TRIM33: variants seen among roughly 807,000 people sequenced by gnomAD.
TRIM33 encodes the protein tripartite motif containing 33.
Under a neutral mutation model 125.4 loss-of-function variants are expected in TRIM33, and 20 were observed. The ratio of observed to expected loss-of-function variants is 0.16; its 90% CI spans 0.11 to 0.23. TRIM33 has a LOEUF of 0.23. Among genes scored for constraint, TRIM33 ranks in the 10% least tolerant of loss-of-function variants. The probability of loss-of-function intolerance (pLI) is 1.00; values close to 1 mark genes in which losing one functional copy is unlikely to be tolerated. For missense variants in TRIM33, 920 were observed against 1,411.4 expected, an observed-to-expected ratio of 0.65 and a Z score of 5.58; for synonymous variants, 564 against 513.9, an observed-to-expected ratio of 1.10 and a Z score of -1.32.
chr1:114,487,073 C>G (rs1212328632), intron 1 of TRIM33, among the ~76,000 whole-genome samples: 1 of 141,110 alleles, frequency 7.1e-6, no homozygotes, highest in Non-Finnish European at 1.5e-5. Context: ...GGCAACAGAG[C>G]AAGACTCTGT....
intron 6 of TRIM33, among the ~76,000 whole-genome samples, chr1:114,429,210 C>T (rs187891700): frequency 4.3e-4 from 65 of 149,634 alleles, no homozygotes; most frequent in African/African-American, 1.5e-3. Context: ...TTTTTTGAGA[C>T]GGAGTCTCGC....
Position 114,430,815 on chromosome 1 carries a change from G to C in TRIM33, c.1138C>G (p.Leu380Val). The C allele has an allele frequency of 6.3e-7, 1 of 1,585,130 alleles. No individual in the cohort carries two copies. The highest frequency in any genetic ancestry group is 8.7e-7 in the Non-Finnish European group (1 of 1,154,150). ...AACCATACCTCTAGCTGTTGTAAGA[G>C]AGATTTTCCTTTCTTATTAATTTCA... ...INEINKKGKS[L>V]LQQLENVTKE... is the part of the protein sequence containing the mutation. The change falls in exon 6 of 20, where the codon CTC (leucine) becomes GTC (valine). Residue 380 changes from leucine to valine, a missense_variant. Leu to Val is a conservative substitution (Grantham distance 32). Transcript: ENST00000358465.
chr1:114,402,966 G>T, intron 15 of TRIM33, 83 bp from the exon 16 acceptor site: 2 of 1,304,566 alleles, frequency 1.5e-6, no homozygotes, highest in South Asian at 2.0e-5. Context: ...CTGGGGCCTG[G>T]TTTATTTTCT....
chr1:114,463,905 A>C (rs1263895790), intron 2 of TRIM33, among the ~76,000 whole-genome samples: 1 of 151,736 alleles, frequency 6.6e-6, no homozygotes, highest in Non-Finnish European at 1.5e-5. Context: ...AGTAGCTGGG[A>C]CTAAAGGCGC....
At chr1:114,437,867 T>G (rs1456282645) in intron 4 of TRIM33, among the ~76,000 whole-genome samples, 1 of 152,150 alleles carries the variant, frequency 6.6e-6, no homozygotes, top group Non-Finnish European at 1.5e-5. Context: ...TAAATTATAT[T>G]TAATACAGTT....
chr1:114,421,308 G>C (rs775136267), intron 11 of TRIM33, 128 bp downstream of exon 11: 19 of 879,650 alleles, frequency 2.2e-5, no homozygotes, highest in Non-Finnish European at 3.3e-5. Context: ...TAGTGATTTA[G>C]ACTTTACTCT....
At chr1:114,407,352 A>ACACACG (rs1375853455) in intron 13 of TRIM33, among the ~76,000 whole-genome samples, 1 of 152,140 alleles carries the variant, frequency 6.6e-6, no homozygotes, top group Non-Finnish European at 1.5e-5. Context: ...CTTCACACAC[A>ACACACG]CACACGCACA....
At chr1:114,427,715 A>G in intron 7 of TRIM33, 33 bp downstream of exon 7, 1 of 1,596,714 alleles carries the variant, frequency 6.3e-7, no homozygotes, top group Non-Finnish European at 8.5e-7. Flanking sequence ...AATAAAGTCC[A>G]TTAAAGAAAA....
chr1:114,466,706 G>A (rs746546467), intron 1 of TRIM33, among the ~76,000 whole-genome samples: 8 of 152,090 alleles, frequency 5.3e-5, no homozygotes, highest in Non-Finnish European at 1.0e-4. Context: ...TGAAAGCATG[G>A]GTCTGCTTTC....
chr1:114,394,986 G>A lies in TRIM33; in HGVS notation c.*2662C>T, dbSNP rs561353138. The A allele has an allele frequency of 1.2e-3, 241 of 195,378 alleles. 1 individual carries two copies. Among genetic ancestry groups the A allele is most frequent in the Non-Finnish European group, 2.0e-3 (188 of 94,042 alleles). The allele number at this position is 195,378 out of a possible 1,614,324, so 12.1% of individuals were successfully genotyped here. A position where few individuals can be genotyped will look rare whatever the true frequency, so the allele number is the denominator to read the frequency against. ...ATTTAAAAAACAAATACAAATGTGA[G>A]AGAGTATAAAAACAAACTGCCTTCA... On this transcript the variant is annotated 3_prime_UTR_variant, in exon 20 of 20. Coordinates refer to ENST00000358465, the MANE Select transcript of TRIM33 (RefSeq NM_015906.4).
chr1:114,505,813 C>G (rs530881307), intron 1 of TRIM33, among the ~76,000 whole-genome samples: 12 of 152,238 alleles, frequency 7.9e-5, no homozygotes, highest in African/African-American at 2.9e-4. Flanking sequence ...AGCGATCTGC[C>G]CGCCTCGGCC....
intron 1 of TRIM33, among the ~76,000 whole-genome samples, chr1:114,479,049 C>CA (rs1386658544): frequency 4.0e-5 from 6 of 151,278 alleles, no homozygotes; most frequent in Admixed American, 3.3e-4. Context: ...AACTCTATCT[C>CA]AAAAAACAAA....
At chr1:114,479,783 T>C (rs1446663466) in intron 1 of TRIM33, among the ~76,000 whole-genome samples, 1 of 95,860 alleles carries the variant, frequency 1.0e-5, no homozygotes, top group Non-Finnish European at 2.2e-5. Context: ...GTTAAAGATA[T>C]ATCATAATTA....
chr1:114,394,484 TTA>T lies in TRIM33; in HGVS notation c.*3162_*3163del. 1 of 215,286 alleles carries T rather than the reference TTA, an allele frequency of 4.6e-6. No individual in the cohort carries two copies. The highest frequency in any genetic ancestry group is 9.4e-6 in the Non-Finnish European group (1 of 106,484). 13.3% of individuals were successfully genotyped at this position (215,286 alleles called of 1,614,324 possible). ...ATTGATAAATCTACAATTTGCACAC[TTA>T]TAAACCTTTTACTTCTATTTAAAAG... On this transcript the variant is annotated 3_prime_UTR_variant, in exon 20 of 20. Coordinates refer to ENST00000358465, the MANE Select transcript of TRIM33 (RefSeq NM_015906.4).
At chr1:114,443,456 C>A (rs1427192240) in intron 4 of TRIM33, among the ~76,000 whole-genome samples, 1 of 152,114 alleles carries the variant, frequency 6.6e-6, no homozygotes, top group Non-Finnish European at 1.5e-5. Flanking sequence ...AGGCTTGTCT[C>A]CAACTCCTGG....
chr1:114,413,558 C>CAAAAAAAAA (rs34268626), intron 11 of TRIM33, among the ~76,000 whole-genome samples: 1 of 40,802 alleles, frequency 2.5e-5, no homozygotes, highest in Non-Finnish European at 4.2e-5. Context: ...AACTCCATCT[C>CAAAAAAAAA]AAAAAAAAAA....
At position 114,395,397 on chromosome 1, in the gene TRIM33, T is replaced by C. The variant is rs762683174; in HGVS notation, c.*2251A>G. 1.5e-5 allele frequency: 3 copies of C among 198,916 alleles called. No individual in the cohort carries two copies. The highest frequency in any genetic ancestry group is 3.1e-5 in the Non-Finnish European group (3 of 96,212). The allele number at this position is 198,916 out of a possible 1,614,324, so 12.3% of individuals were successfully genotyped here. On this transcript the variant is annotated 3_prime_UTR_variant, in exon 20 of 20. Transcript: ENST00000358465. ...CACAATTATTTTTTAAGGCCCCAAATACTGAAAAATATTTACTTAAAATGT... is the reference window on the plus strand; with the variant it reads ...CACAATTATTTTTTAAGGCCCCAAACACTGAAAAATATTTACTTAAAATGT...
At chr1:114,464,507 C>A in intron 1 of TRIM33, 119 bp from the exon 2 acceptor site, 1 of 546,096 alleles carries the variant, frequency 1.8e-6, no homozygotes, top group Non-Finnish European at 3.2e-6. Flanking sequence ...GCATCAAGAG[C>A]TCAGTAAAAT....
intron 1 of TRIM33, among the ~76,000 whole-genome samples, chr1:114,489,281 C>T (rs1342529832): frequency 2.0e-5 from 3 of 152,126 alleles, no homozygotes; most frequent in African/African-American, 7.2e-5. Context: ...ATTTCACATA[C>T]AAAAATTAAC....
Sources: gnomAD v4.1 joint callset for allele counts (sites outside exome capture counted in the v4.1 genomes callset) on GRCh38, gnomAD v4.1.1 for gene constraint, MANE v1.5 for transcripts, NCBI Gene and HGNC (gene_info 2026-07-23, HGNC 2026-07-21) for gene names.